DNAH8: variants seen among roughly 807,000 people sequenced by gnomAD.
DNAH8 encodes dynein axonemal heavy chain 8.
In DNAH8, 382 loss-of-function variants were observed where a neutral mutation model predicts 562.1. That is an observed-to-expected ratio of 0.68 (90% CI 0.63 to 0.74). The LOEUF is 0.74. Among genes scored for constraint, DNAH8 ranks in the 30% least tolerant of loss-of-function variants. The pLI is 0.00. For missense variants in DNAH8, 5,203 were observed against 5,620.4 expected (o/e 0.93, Z 2.37); for synonymous variants, 1,881 against 1,919.4 (o/e 0.98, Z 0.52).
chr6:38,808,510 A>G (rs1296551455), intron 24 of DNAH8, among the ~76,000 whole-genome samples: 1 of 152,186 alleles, frequency 6.6e-6, no homozygotes, highest in Admixed American at 6.5e-5. Context: ...TCCTAGTTCA[A>G]CCACTGTGGA....
At chr6:38,916,467 C>A (rs796423026) in intron 68 of DNAH8, among the ~76,000 whole-genome samples, 24 of 152,204 alleles carry the variant, frequency 1.6e-4, no homozygotes, top group African/African-American at 5.5e-4. Flanking sequence ...ATTTGCTTTG[C>A]CATTTTCAGA....
At chr6:38,899,483 A>T (rs779170773) in intron 61 of DNAH8, among the ~76,000 whole-genome samples, 12 of 152,242 alleles carry the variant, frequency 7.9e-5, no homozygotes, top group Admixed American at 2.0e-4. Flanking sequence ...AAATAATAAA[A>T]TTCTACATGC....
intron 5 of DNAH8, among the ~76,000 whole-genome samples, chr6:38,736,480 G>C (rs1764099740): frequency 6.6e-6 from 1 of 152,180 alleles, no homozygotes; most frequent in South Asian, 2.1e-4. Context: ...TGTATGAGTA[G>C]TAATTTTATA....
At chr6:38,945,274 A>G (rs1255780590) in intron 79 of DNAH8, among the ~76,000 whole-genome samples, 193 bp from the exon 80 acceptor site, 1 of 152,236 alleles carries the variant, frequency 6.6e-6, no homozygotes, top group Non-Finnish European at 1.5e-5. Flanking sequence ...AAGATGGTAT[A>G]AATCAGTAAA....
intron 23 of DNAH8, among the ~76,000 whole-genome samples, chr6:38,807,190 A>T (rs1771357036): frequency 6.6e-6 from 1 of 152,202 alleles, no homozygotes. Context: ...ACATTTTAAA[A>T]TACATTTATC....
At chr6:38,771,689 A>C (rs941334625) in intron 12 of DNAH8, among the ~76,000 whole-genome samples, 1 of 152,200 alleles carries the variant, frequency 6.6e-6, no homozygotes, top group African/African-American at 2.4e-5. Flanking sequence ...AATGTTTTCA[A>C]AGCTCATCTA....
chr6:38,960,530 A>G (rs1762545101), intron 82 of DNAH8, among the ~76,000 whole-genome samples: 1 of 152,086 alleles, frequency 6.6e-6, no homozygotes, highest in Non-Finnish European at 1.5e-5. Flanking sequence ...AAGGCTGAAC[A>G]TAATTGGTCA....
intron 36 of DNAH8, among the ~76,000 whole-genome samples, chr6:38,847,801 T>G (rs1775416570): frequency 6.6e-6 from 1 of 152,188 alleles, no homozygotes; most frequent in African/African-American, 2.4e-5. Context: ...TTGGGGTTTT[T>G]ACCCAGTAGC....
At position 38,903,612 on chromosome 6, in the gene DNAH8, C is replaced by CTTTTTT. The variant is rs756414599; in HGVS notation, c.9195-2629_9195-2624dup. On this transcript the variant is annotated intron_variant, in intron 62 of 92. Transcript: ENST00000327475. The stretch of plus-strand genomic sequence containing the variant: ...ATGTTTTCTTTTTCTTTCTTTCTTC[C>CTTTTTT]TTTTTTTTTTTTTTTTTTGAGAAGG... 3.9e-5 allele frequency among the ~76,000 whole-genome samples: 5 copies of CTTTTTT among 129,442 alleles called. 1 individual carries two copies. The highest frequency in any genetic ancestry group is 6.4e-5 in the Non-Finnish European group (4 of 62,098). 84.9% of individuals were successfully genotyped at this position (129,442 alleles called of 152,430 possible).
chr6:39,023,146 A>T (rs1767034274), intron 91 of DNAH8, among the ~76,000 whole-genome samples: 1 of 152,170 alleles, frequency 6.6e-6, no homozygotes, highest in South Asian at 2.1e-4. Flanking sequence ...TGAACATAGG[A>T]ATCATTTTTG....
rs781445897 is a variant in DNAH8, at chr6:38,974,363, T to C, written c.12679-11T>C. The C allele has an allele frequency of 1.3e-5, 21 of 1,596,352 alleles. No individual in the cohort carries two copies. The Middle Eastern group carries it at 6.7e-4, about 51-fold the overall frequency. Reference sequence around the variant, plus strand: ...TATAGAAACAAAAGCACTGTTTTCTTTTCATGACAGACCTCTCTCAAATTC... The same window carrying C: ...TATAGAAACAAAAGCACTGTTTTCTCTTCATGACAGACCTCTCTCAAATTC... On this transcript the variant is annotated splice_polypyrimidine_tract_variant and intron_variant, in intron 84 of 92. Transcript: ENST00000327475.
intron 21 of DNAH8, 114 bp from the exon 22 acceptor site, chr6:38,803,065 C>CT (rs1021138103): frequency 1.3e-3 from 964 of 732,856 alleles, no homozygotes; most frequent in Non-Finnish European, 1.6e-3. Flanking sequence ...CTATCTCTAG[C>CT]TTTTTTTTTC....
intron 88 of DNAH8, among the ~76,000 whole-genome samples, chr6:39,002,737 C>G (rs187430580): frequency 6.6e-6 from 1 of 152,106 alleles, no homozygotes; most frequent in Non-Finnish European, 1.5e-5. Context: ...CATTAAAAAT[C>G]AGGTTTTACT....
At chr6:38,994,132 A>C (rs1764976392) in intron 88 of DNAH8, among the ~76,000 whole-genome samples, 2 of 152,200 alleles carry the variant, frequency 1.3e-5, no homozygotes, top group South Asian at 4.1e-4. Context: ...GCATAGTTTT[A>C]GTTCACTTCT....
chr6:39,005,852 T>A (rs779467658), intron 88 of DNAH8, among the ~76,000 whole-genome samples: 2 of 152,254 alleles, frequency 1.3e-5, no homozygotes, highest in Non-Finnish European at 1.5e-5. Flanking sequence ...TCTCTCTGGC[T>A]CCTTTTAAGA....
chr6:38,974,108 T>C (rs1763519786), intron 84 of DNAH8, among the ~76,000 whole-genome samples: 1 of 152,204 alleles, frequency 6.6e-6, no homozygotes, highest in South Asian at 2.1e-4. Context: ...ATAAGCATAT[T>C]GTTTTCTGAT....
intron 41 of DNAH8, among the ~76,000 whole-genome samples, chr6:38,856,229 T>C (rs747143969): frequency 2.0e-5 from 3 of 152,246 alleles, no homozygotes; most frequent in Non-Finnish European, 2.9e-5. Context: ...TATTGTTTAA[T>C]GTGCTTATTA....
In DNAH8 at chr6:38,984,316, AT is replaced by A; in HGVS notation, c.13053+12del. 2 of 1,563,454 alleles carry A rather than the reference AT, an allele frequency of 1.3e-6. No individual in the cohort carries two copies. The highest frequency in any genetic ancestry group is 1.8e-6 in the Non-Finnish European group (2 of 1,133,874). ...TTAATTGCTTTGCCAGAGTAAGTCAATTTAGAAAAATAAAGTTTGGAGACAC... is the reference window on the plus strand; with the variant it reads ...TTAATTGCTTTGCCAGAGTAAGTCAATTAGAAAAATAAAGTTTGGAGACAC... On this transcript the variant is annotated intron_variant, in intron 87 of 92. Coordinates refer to ENST00000327475, the MANE Select transcript of DNAH8 (RefSeq NM_001206927.2).
intron 3 of DNAH8, among the ~76,000 whole-genome samples, chr6:38,724,828 C>A (rs765618503): frequency 1.3e-5 from 2 of 152,122 alleles, no homozygotes; most frequent in African/African-American, 2.4e-5. Flanking sequence ...TGAGCAGGTG[C>A]AGACTGCTGG....
Sources: allele counts gnomAD v4.1 joint callset (sites outside exome capture counted in the v4.1 genomes callset), GRCh38; gene constraint gnomAD v4.1.1; transcripts MANE v1.5; gene names NCBI Gene and HGNC (gene_info 2026-07-23, HGNC 2026-07-21).